The following POLA1 variants were observed in gnomAD, a reference collection of about 807,000 sequenced individuals.
POLA1 encodes the protein DNA polymerase alpha catalytic subunit.
In POLA1, 15 loss-of-function variants were observed where a neutral mutation model predicts 124.0. That is an observed-to-expected ratio of 0.12 (90% CI 0.08 to 0.19). The LOEUF is 0.19. Ranked by LOEUF, POLA1 falls within the 10% of genes least tolerant of loss-of-function variation. The pLI is 1.00. For synonymous variants in POLA1, 408 were observed against 389.4 expected (o/e 1.05, Z -0.56); for missense variants, 886 against 1,103.4 (o/e 0.80, Z 2.79).
chrX:24,844,843 G>A (rs1442632209), intron 34 of POLA1, among the ~76,000 whole-genome samples: 2 of 111,777 alleles, frequency 1.8e-5, no homozygotes, highest in African/African-American at 6.5e-5. Context: ...CTCAGTAGGT[G>A]AGATGTGCAG....
intron 26 of POLA1, among the ~76,000 whole-genome samples, chrX:24,770,388 A>T (rs778891270): frequency 1.8e-5 from 2 of 111,938 alleles, no homozygotes; most frequent in Non-Finnish European, 3.8e-5. Flanking sequence ...TTACAGAATG[A>T]TGCCCATGCC....
At chrX:24,791,289 C>G (rs2045491502) in intron 26 of POLA1, among the ~76,000 whole-genome samples, 1 of 111,822 alleles carries the variant, frequency 8.9e-6, no homozygotes, top group Non-Finnish European at 1.9e-5. Context: ...GTCACTGACC[C>G]TGCCCAACTG....
chrX:24,758,261 T>C (rs774437731), intron 26 of POLA1, among the ~76,000 whole-genome samples: 16 of 110,563 alleles, frequency 1.4e-4, no homozygotes, highest in Non-Finnish European at 2.6e-4. Flanking sequence ...ATATATGTTA[T>C]ATATAATCTA....
At chrX:24,986,502 G>A (rs928475100) in intron 36 of POLA1, among the ~76,000 whole-genome samples, 4 of 109,044 alleles carry the variant, frequency 3.7e-5, no homozygotes, top group Admixed American at 2.0e-4. Context: ...GTGACCGGTA[G>A]CTCACACCTG....
At chrX:24,757,564 C>T (rs1266282894) in intron 26 of POLA1, among the ~76,000 whole-genome samples, 1 of 107,536 alleles carries the variant, frequency 9.3e-6, no homozygotes, top group Non-Finnish European at 1.9e-5. Context: ...CTCAGCCTCC[C>T]GAGTAGCTGG....
At chrX:24,894,855 C>A (rs1477804291) in intron 35 of POLA1, among the ~76,000 whole-genome samples, 2 of 107,449 alleles carry the variant, frequency 1.9e-5, no homozygotes, top group Admixed American at 2.0e-4. Context: ...GGCACAGTCA[C>A]AGCTCACTGA....
At chrX:24,984,816 C>T (rs983947080) in intron 36 of POLA1, among the ~76,000 whole-genome samples, 3 of 109,749 alleles carry the variant, frequency 2.7e-5, no homozygotes, top group Non-Finnish European at 5.7e-5. Context: ...CCCGCCACTA[C>T]GCCCGGCTAA....
chrX:24,912,830 A>G (rs972970434), intron 35 of POLA1, among the ~76,000 whole-genome samples: 3 of 112,212 alleles, frequency 2.7e-5, no homozygotes, highest in Middle Eastern at 4.2e-3. Context: ...CACCTATTAG[A>G]ATGGCTAAAA....
chrX:24,917,933 C>T (rs777528995), intron 35 of POLA1, among the ~76,000 whole-genome samples: 9 of 111,593 alleles, frequency 8.1e-5, no homozygotes, highest in Non-Finnish European at 1.3e-4. Flanking sequence ...TTAATCTTTA[C>T]GACATTCTGA....
At chrX:24,771,988 T>C (rs1415037620) in intron 26 of POLA1, among the ~76,000 whole-genome samples, 1 of 112,089 alleles carries the variant, frequency 8.9e-6, no homozygotes, top group Non-Finnish European at 1.9e-5. Context: ...TATAAATCTG[T>C]TCACCAGAAT....
At chrX:24,959,716 C>T (rs1177470125) in intron 36 of POLA1, among the ~76,000 whole-genome samples, 1 of 111,467 alleles carries the variant, frequency 9.0e-6, no homozygotes, top group African/African-American at 3.3e-5. Context: ...ATCAGATATA[C>T]CTCATTAATA....
At chrX:24,971,447 A>G (rs2048301590) in intron 36 of POLA1, among the ~76,000 whole-genome samples, 1 of 112,712 alleles carries the variant, frequency 8.9e-6, no homozygotes, top group Non-Finnish European at 1.9e-5. Flanking sequence ...ACCAGGGTAT[A>G]TTCAGATTGG....
chrX:24,733,198 G>A (rs1250512361), intron 16 of POLA1, among the ~76,000 whole-genome samples: 1 of 112,043 alleles, frequency 8.9e-6, no homozygotes, highest in African/African-American at 3.2e-5. Flanking sequence ...AGATATGATT[G>A]TTGTGAAGTT....
intron 36 of POLA1, among the ~76,000 whole-genome samples, chrX:24,942,558 CT>C (rs1401021870): frequency 8.9e-6 from 1 of 111,993 alleles, no homozygotes; most frequent in Non-Finnish European, 1.9e-5. Flanking sequence ...TTTAAGTGCC[CT>C]ATTTATCTTG....
At chrX:24,837,736 A>T (rs756075255) in intron 32 of POLA1, among the ~76,000 whole-genome samples, 2 of 111,993 alleles carry the variant, frequency 1.8e-5, no homozygotes, top group East Asian at 5.6e-4. Context: ...ACTCAATGGG[A>T]TTCTGTTAAT....
intron 26 of POLA1, chrX:24,788,247 C>T (rs1254085404): frequency 1.7e-6 from 1 of 596,533 alleles, no homozygotes; most frequent in Non-Finnish European, 2.5e-6. Flanking sequence ...GACAAGCCCA[C>T]AGCTAACATC....
chrX:24,828,013 C>T lies in POLA1; in HGVS notation c.3736+1412C>T, dbSNP rs919277631. On this transcript the variant is annotated intron_variant, in intron 32 of 36. Coordinates refer to ENST00000379068, the MANE Select transcript of POLA1 (RefSeq NM_001330360.2). ...CCTGCTACCCCCATCGTCACTACCC[C>T]GTCAATGTTTACTCTGGAAGTGGAA... is the stretch of plus-strand genomic sequence containing the variant. Among the ~76,000 whole-genome samples the T allele has an allele frequency of 1.2e-4, 13 of 111,963 alleles. No homozygotes were observed. In the Middle Eastern group the frequency reaches 0.014, roughly 120 times the overall value.
chrX:24,996,079 A>C lies in POLA1; in HGVS notation c.*129A>C, dbSNP rs978218418. The C allele has an allele frequency of 1.7e-5, 10 of 575,188 alleles. No individual in the cohort carries two copies. In the African/African-American group the frequency reaches 1.9e-4, roughly 11 times the overall value. 47.4% of individuals were successfully genotyped at this position (575,188 alleles called of 1,213,427 possible). A position where few individuals can be genotyped will look rare whatever the true frequency, so the allele number is the denominator to read the frequency against. Reference sequence around the variant, plus strand: ...GGGACTGTGTCTCATGTTTGTGTGAATGTAGACCAGGAAAGGGGGCTGCAA... The same window carrying C: ...GGGACTGTGTCTCATGTTTGTGTGACTGTAGACCAGGAAAGGGGGCTGCAA... On this transcript the variant is annotated 3_prime_UTR_variant, in exon 37 of 37. Coordinates refer to ENST00000379068, the MANE Select transcript of POLA1 (RefSeq NM_001330360.2).
At chrX:24,981,630 G>T (rs919824199) in intron 36 of POLA1, among the ~76,000 whole-genome samples, 2 of 112,168 alleles carry the variant, frequency 1.8e-5, no homozygotes, top group African/African-American at 6.5e-5. Flanking sequence ...AATGGGAATA[G>T]AATTAGTTTT....
Sources: allele counts gnomAD v4.1 joint callset (sites outside exome capture counted in the v4.1 genomes callset), GRCh38; gene constraint gnomAD v4.1.1; transcripts MANE v1.5; gene names NCBI Gene and HGNC (gene_info 2026-07-23, HGNC 2026-07-21).